EYS: variants seen among roughly 807,000 people sequenced by gnomAD.
EYS encodes EGF-like photoreceptor maintenance factor.
In EYS, 250 loss-of-function variants were observed where a neutral mutation model predicts 282.1. The ratio of observed to expected loss-of-function variants is 0.89; its 90% confidence interval spans 0.80 to 0.98. EYS has a LOEUF of 0.98. Among genes scored for constraint, EYS ranks in the 50% least tolerant of loss-of-function variants. The pLI is 0.00. For missense variants in EYS, 4,016 were observed against 3,709.0 expected, an observed-to-expected ratio of 1.08 and a Z score of -2.15; for synonymous variants, 1,355 against 1,282.9, an observed-to-expected ratio of 1.06 and a Z score of -1.20.
chr6:64,568,764 C>A (rs757974848), intron 26 of EYS, among the ~76,000 whole-genome samples: 5 of 152,150 alleles, frequency 3.3e-5, no homozygotes, highest in Admixed American at 2.0e-4. Context: ...CCTCTTTAGA[C>A]GAAGCTTCCA....
chr6:64,492,590 G>T (rs555463749), intron 26 of EYS, among the ~76,000 whole-genome samples: 2 of 151,334 alleles, frequency 1.3e-5, no homozygotes, highest in South Asian at 4.1e-4. Context: ...CGAAGACAAG[G>T]AATTATGTAA....
chr6:64,235,688 T>G (rs1448329611), intron 30 of EYS, among the ~76,000 whole-genome samples: 1 of 152,186 alleles, frequency 6.6e-6, no homozygotes, highest in Non-Finnish European at 1.5e-5. Context: ...ATGGTTGAAC[T>G]AGTTTACAGT....
At chr6:64,705,627 C>T (rs1770977174) in intron 22 of EYS, among the ~76,000 whole-genome samples, 1 of 151,654 alleles carries the variant, frequency 6.6e-6, no homozygotes, top group African/African-American at 2.4e-5. Context: ...CACATATACA[C>T]CATGGAATAC....
intron 30 of EYS, among the ~76,000 whole-genome samples, chr6:64,276,239 T>C (rs1488074680): frequency 2.0e-5 from 3 of 152,222 alleles, no homozygotes; most frequent in Non-Finnish European, 2.9e-5. Flanking sequence ...AACTAAGCAC[T>C]CAACCAATAT....
chr6:64,719,241 T>C (rs903313134), intron 22 of EYS, among the ~76,000 whole-genome samples: 3 of 150,968 alleles, frequency 2.0e-5, no homozygotes, highest in Admixed American at 6.6e-5. Context: ...GACACCTTGA[T>C]TTGGGCCTTT....
chr6:64,072,981 T>C (rs1771644526), intron 32 of EYS, among the ~76,000 whole-genome samples: 1 of 151,914 alleles, frequency 6.6e-6, no homozygotes, highest in Non-Finnish European at 1.5e-5. Flanking sequence ...TGTAGTACTA[T>C]GCAAGAATGA....
At chr6:64,268,403 A>C (rs1767830107) in intron 30 of EYS, among the ~76,000 whole-genome samples, 1 of 152,112 alleles carries the variant, frequency 6.6e-6, no homozygotes, top group African/African-American at 2.4e-5. Flanking sequence ...GGGAGAGAGA[A>C]TCACTTCTAA....
chr6:64,193,549 C>A (rs141783434), intron 31 of EYS, among the ~76,000 whole-genome samples: 1 of 151,800 alleles, frequency 6.6e-6, no homozygotes, highest in Non-Finnish European at 1.5e-5. Context: ...TGTGCACAAC[C>A]TGCAGGTTTG....
chr6:64,542,930 T>C (rs1014479760), intron 26 of EYS, among the ~76,000 whole-genome samples: 3 of 152,136 alleles, frequency 2.0e-5, no homozygotes, highest in Non-Finnish European at 2.9e-5. Context: ...ACTCTTGAAT[T>C]TGCAATTGTA....
chr6:65,241,794 A>C (rs1393657392), intron 12 of EYS, among the ~76,000 whole-genome samples: 1 of 152,040 alleles, frequency 6.6e-6, no homozygotes, highest in Non-Finnish European at 1.5e-5. Flanking sequence ...GAGAAAGAGT[A>C]AATCAGGTGT....
intron 12 of EYS, among the ~76,000 whole-genome samples, chr6:65,212,085 GA>G (rs34112579): frequency 0.17 from 25,585 of 149,664 alleles, 2,827 homozygotes; most frequent in South Asian, 0.28. Flanking sequence ...ATTTATGCCA[GA>G]AAAAAAAAAT....
At chr6:64,262,577 A>T (rs1174093671) in intron 30 of EYS, among the ~76,000 whole-genome samples, 1 of 151,942 alleles carries the variant, frequency 6.6e-6, no homozygotes, top group Non-Finnish European at 1.5e-5. Flanking sequence ...TTTGACAGAT[A>T]TTTTTTAAAC....
chr6:65,214,480 A>G (rs2150254442), intron 12 of EYS, among the ~76,000 whole-genome samples: 1 of 152,300 alleles, frequency 6.6e-6, no homozygotes, highest in Admixed American at 6.5e-5. Flanking sequence ...ACAGAAGAAA[A>G]GTTCGAAGGT....
chr6:64,380,947 G>A (rs1057297748), intron 29 of EYS, among the ~76,000 whole-genome samples: 5 of 151,624 alleles, frequency 3.3e-5, no homozygotes, highest in African/African-American at 7.3e-5. Context: ...CCCGGGAGGC[G>A]GAGGTTGCAG....
intron 31 of EYS, among the ~76,000 whole-genome samples, chr6:64,129,399 G>A (rs933064691): frequency 4.6e-5 from 7 of 152,078 alleles, no homozygotes; most frequent in Non-Finnish European, 5.9e-5. Flanking sequence ...TTTTCATTTT[G>A]TCTTTTGGCT....
chr6:65,276,734 T>A (rs1392385691), intron 12 of EYS, among the ~76,000 whole-genome samples: 2 of 151,974 alleles, frequency 1.3e-5, no homozygotes, highest in African/African-American at 2.4e-5. Context: ...CAAGATCAGC[T>A]GAGGTAGTTA....
At chr6:64,683,347 A>G (rs1769971816) in intron 22 of EYS, among the ~76,000 whole-genome samples, 1 of 152,236 alleles carries the variant, frequency 6.6e-6, no homozygotes, top group African/African-American at 2.4e-5. Context: ...AAGGAGTTAA[A>G]AAAAAGGCTA....
Position 63,806,340 on chromosome 6 carries a change from T to C in EYS, c.7261A>G (p.Thr2421Ala). 6.4e-7 allele frequency: 1 copy of C among 1,550,480 alleles called. No individual in the cohort carries two copies. Among genetic ancestry groups the C allele is most frequent in the Non-Finnish European group, 8.7e-7 (1 of 1,146,064 alleles). Reference protein sequence around the residue: ...INITQPRFSGTDAFGYTSFLA... With the variant: ...INITQPRFSGADAFGYTSFLA... ...AATGAGGTGTATCCAAAGGCATCTGTGCCACTGAACCTTGGCTGAGTAATA... is the reference window on the plus strand; with the variant it reads ...AATGAGGTGTATCCAAAGGCATCTGCGCCACTGAACCTTGGCTGAGTAATA... The change falls in exon 37 of 43, where the codon ACA (threonine) becomes GCA (alanine). Residue 2421 changes from threonine (T) to alanine (A), a missense_variant. Transcript: ENST00000503581.
chr6:64,011,172 A>T (rs1286731978), intron 33 of EYS, among the ~76,000 whole-genome samples: 1 of 152,062 alleles, frequency 6.6e-6, no homozygotes, highest in African/African-American at 2.4e-5. Context: ...TTTCTTGTCT[A>T]AAGATATGTT....
Sources: allele counts gnomAD v4.1 joint callset (sites outside exome capture counted in the v4.1 genomes callset), GRCh38; gene constraint gnomAD v4.1.1; transcripts MANE v1.5; gene names NCBI Gene and HGNC (gene_info 2026-07-23, HGNC 2026-07-21).